CDK14: variants seen among roughly 807,000 people sequenced by gnomAD.
CDK14 encodes the protein cyclin-dependent kinase 14.
In CDK14, 34 loss-of-function variants were observed where a neutral mutation model predicts 60.7. The ratio of observed to expected loss-of-function variants is 0.56; its 90% CI spans 0.43 to 0.75. CDK14 has a LOEUF of 0.75. Ranked by LOEUF, CDK14 falls within the 30% of genes least tolerant of loss-of-function variation. The probability of loss-of-function intolerance (pLI) is 0.00; values close to 1 mark genes in which losing one functional copy is unlikely to be tolerated. For synonymous variants in CDK14, 197 were observed against 203.7 expected, an observed-to-expected ratio of 0.97 and a Z score of 0.28; for missense variants, 482 against 564.1, an observed-to-expected ratio of 0.85 and a Z score of 1.47.
At chr7:91,043,854 A>C (rs1451294250) in intron 10 of CDK14, among the ~76,000 whole-genome samples, 1 of 152,202 alleles carries the variant, frequency 6.6e-6, no homozygotes, top group African/African-American at 2.4e-5. Context: ...GATTCACCAG[A>C]GTAGGAAGCA....
At chr7:90,720,192 G>C (rs145863962) in intron 2 of CDK14, among the ~76,000 whole-genome samples, 35 of 152,256 alleles carry the variant, frequency 2.3e-4, no homozygotes, top group African/African-American at 8.2e-4. Flanking sequence ...ACAGTCTAAG[G>C]TATGCAAAAT....
Position 91,028,957 on chromosome 7 carries a change from T to G in CDK14, c.1042-16940T>G, listed in dbSNP as rs374954533. On this transcript the variant is annotated intron_variant, in intron 10 of 14. Coordinates refer to ENST00000380050, the MANE Select transcript of CDK14 (RefSeq NM_001287135.2). ...GTTGCTATGCAGAAGATTTTTAGTT[T>G]AATTAAGTCTCATTTATTTATTTTT... 2.6e-4 allele frequency among the ~76,000 whole-genome samples: 39 copies of G among 150,198 alleles called. No homozygotes were observed. The East Asian group carries it at 6.6e-3, about 25-fold the overall frequency.
chr7:90,861,588 A>G (rs1417013090), intron 5 of CDK14, among the ~76,000 whole-genome samples: 2 of 152,186 alleles, frequency 1.3e-5, no homozygotes, highest in Non-Finnish European at 2.9e-5. Context: ...GTTGGAAAGC[A>G]TTGCCTCTAG....
chr7:90,863,726 T>C (rs1791086988), intron 6 of CDK14, among the ~76,000 whole-genome samples: 1 of 128,476 alleles, frequency 7.8e-6, no homozygotes, highest in Non-Finnish European at 1.9e-5. Flanking sequence ...GAAAGCCTGA[T>C]ACAATTTAGA....
chr7:90,643,780 G>A (rs900563069), intron 2 of CDK14, among the ~76,000 whole-genome samples: 39 of 152,050 alleles, frequency 2.6e-4, no homozygotes, highest in African/African-American at 8.9e-4. Flanking sequence ...CCCTACTCTG[G>A]GCCTCCACAG....
intron 11 of CDK14, among the ~76,000 whole-genome samples, chr7:91,072,162 A>G (rs1223003348): frequency 1.3e-5 from 2 of 152,144 alleles, no homozygotes; most frequent in Non-Finnish European, 2.9e-5. Flanking sequence ...CCACCAAGGG[A>G]CAACCAAAGT....
chr7:90,917,829 C>T, intron 8 of CDK14, 105 bp downstream of exon 8: 3 of 1,139,152 alleles, frequency 2.6e-6, no homozygotes, highest in South Asian at 4.1e-5. Flanking sequence ...CATCATAGAT[C>T]CTGGTAATTT....
intron 4 of CDK14, among the ~76,000 whole-genome samples, chr7:90,753,902 C>T (rs1803949119): frequency 6.6e-6 from 1 of 151,972 alleles, no homozygotes; most frequent in Non-Finnish European, 1.5e-5. Flanking sequence ...AATTAAAAGG[C>T]CTAGGAAAAT....
At chr7:90,630,446 A>G (rs1371870244) in intron 2 of CDK14, among the ~76,000 whole-genome samples, 1 of 152,194 alleles carries the variant, frequency 6.6e-6, no homozygotes, top group African/African-American at 2.4e-5. Flanking sequence ...ATCTTATGGG[A>G]CCAGAATTAT....
intron 2 of CDK14, among the ~76,000 whole-genome samples, chr7:90,688,881 TC>T (rs1434432508): frequency 3.3e-5 from 5 of 152,080 alleles, no homozygotes; most frequent in Admixed American, 2.6e-4. Flanking sequence ...ATTTTCAGAG[TC>T]CCTCCCTTCC....
intron 8 of CDK14, among the ~76,000 whole-genome samples, chr7:90,937,362 A>G (rs1262896248): frequency 6.6e-6 from 1 of 152,232 alleles, no homozygotes; most frequent in Non-Finnish European, 1.5e-5. Flanking sequence ...TATATTTTAC[A>G]TAAAATCAAA....
At chr7:91,062,634 A>C (rs547390776) in intron 11 of CDK14, among the ~76,000 whole-genome samples, 1 of 152,306 alleles carries the variant, frequency 6.6e-6, no homozygotes, top group African/African-American at 2.4e-5. Context: ...TGCATTGCAT[A>C]GCTCTTTCCT....
At chr7:90,913,735 C>T (rs1442803843) in intron 7 of CDK14, among the ~76,000 whole-genome samples, 1 of 152,058 alleles carries the variant, frequency 6.6e-6, no homozygotes, top group African/African-American at 2.4e-5. Flanking sequence ...AGTCTTTCTT[C>T]CTAGGATAAG....
chr7:90,637,003 C>A (rs867210155), intron 2 of CDK14, among the ~76,000 whole-genome samples: 1 of 151,584 alleles, frequency 6.6e-6, no homozygotes, highest in Non-Finnish European at 1.5e-5. Flanking sequence ...TTTTTTATTG[C>A]GTCTATTTGA....
At chr7:91,161,227 C>T (rs564335775) in intron 14 of CDK14, among the ~76,000 whole-genome samples, 8 of 152,046 alleles carry the variant, frequency 5.3e-5, no homozygotes, top group African/African-American at 7.3e-5. Context: ...AGGGAGTAGA[C>T]GGAGAGGATT....
At position 90,659,837 on chromosome 7, in the gene CDK14, T is replaced by TTCTCTCTCTCTCTC. The variant is rs58582287; in HGVS notation, c.123+55614_123+55627dup. On this transcript the variant is annotated intron_variant, in intron 2 of 14. Transcript: ENST00000380050. ...ATGGAATCCTGGAGCCAGGGAATGC[T>TTCTCTCTCTCTCTC]TCTCTCTCTCTCTCTCTCTCTCTCT... Among the ~76,000 whole-genome samples, 543 of 110,302 alleles carry TTCTCTCTCTCTCTC rather than the reference T, an allele frequency of 4.9e-3. 1 individual carries two copies. Among genetic ancestry groups the TTCTCTCTCTCTCTC allele is most frequent in the South Asian group, 0.029 (80 of 2,724 alleles). The allele number at this position is 110,302 out of a possible 152,430, so 72.4% of individuals were successfully genotyped here. A position where few individuals can be genotyped will look rare whatever the true frequency, so the allele number is the denominator to read the frequency against.
chr7:91,102,473 T>G (rs1030998889), intron 12 of CDK14, among the ~76,000 whole-genome samples: 1 of 152,148 alleles, frequency 6.6e-6, no homozygotes, highest in African/African-American at 2.4e-5. Context: ...TATATCCAGT[T>G]TTCATGAGCT....
chr7:90,823,121 G>A (rs913696623), intron 5 of CDK14, among the ~76,000 whole-genome samples: 1 of 152,132 alleles, frequency 6.6e-6, no homozygotes, highest in Non-Finnish European at 1.5e-5. Context: ...CCTCTTTATG[G>A]TGGTTCTAGG....
intron 11 of CDK14, among the ~76,000 whole-genome samples, chr7:91,068,793 G>C (rs923272659): frequency 8.0e-6 from 1 of 125,180 alleles, no homozygotes; most frequent in East Asian, 2.5e-4. Flanking sequence ...AGAAGCCAGA[G>C]TGATACCTTA....
Sources: allele counts gnomAD v4.1 joint callset (sites outside exome capture counted in the v4.1 genomes callset), GRCh38; gene constraint gnomAD v4.1.1; transcripts MANE v1.5; gene names NCBI Gene and HGNC (gene_info 2026-07-23, HGNC 2026-07-21).